PLXNA4: variants seen among roughly 807,000 people sequenced by gnomAD.
PLXNA4 encodes the protein plexin A4.
Under a neutral mutation model 191.8 loss-of-function variants are expected in PLXNA4, and 44 were observed. The observed-to-expected ratio is 0.23, with a 90% CI of 0.18 to 0.29. PLXNA4 has a LOEUF of 0.29. Among genes scored for constraint, PLXNA4 ranks in the 10% least tolerant of loss-of-function variants. PLXNA4 has a pLI of 1.00. For synonymous variants in PLXNA4, 1,082 were observed against 1,009.5 expected (o/e 1.07, Z -1.36); for missense variants, 1,800 against 2,488.8 (o/e 0.72, Z 5.89).
chr7:132,485,423 A>C (rs1227217425), intron 3 of PLXNA4, among the ~76,000 whole-genome samples: 1 of 152,230 alleles, frequency 6.6e-6, no homozygotes, highest in African/African-American at 2.4e-5. Flanking sequence ...AATGTCAGGC[A>C]GTAATTCACC....
At chr7:132,222,362 T>C (rs1008126055) in intron 9 of PLXNA4, among the ~76,000 whole-genome samples, 1 of 152,182 alleles carries the variant, frequency 6.6e-6, no homozygotes, top group African/African-American at 2.4e-5. Context: ...ATAAACAGCT[T>C]CTCTCCTCCC....
intron 3 of PLXNA4, chr7:132,384,222 G>A (rs778977362): frequency 1.7e-4 from 164 of 985,322 alleles, no homozygotes; most frequent in Middle Eastern, 5.2e-4. Flanking sequence ...ACGAGGTTTA[G>A]TGTGGTGGTT....
intron 12 of PLXNA4, among the ~76,000 whole-genome samples, chr7:132,200,265 A>T (rs1012388526): frequency 3.9e-5 from 6 of 152,064 alleles, no homozygotes; most frequent in African/African-American, 1.4e-4. Context: ...AGCAAGTCCC[A>T]CTGATGGCAC....
chr7:132,234,174 T>C (rs1798616879), intron 5 of PLXNA4, among the ~76,000 whole-genome samples: 1 of 152,118 alleles, frequency 6.6e-6, no homozygotes, highest in African/African-American at 2.4e-5. Context: ...CTCTTTCTAA[T>C]CCAGTCGGTA....
chr7:132,615,929 C>G (rs1585407156), intron 2 of PLXNA4, among the ~76,000 whole-genome samples: 1 of 130,224 alleles, frequency 7.7e-6, no homozygotes, highest in African/African-American at 3.4e-5. Flanking sequence ...GATAAAGGAT[C>G]TCTCTCTCTC....
At chr7:132,143,665 T>A (rs1795334733) in intron 29 of PLXNA4, among the ~76,000 whole-genome samples, 1 of 152,128 alleles carries the variant, frequency 6.6e-6, no homozygotes, top group African/African-American at 2.4e-5. Context: ...CTCCCAGTAG[T>A]CACGCCACAA....
intron 1 of PLXNA4, among the ~76,000 whole-genome samples, chr7:132,551,158 G>A (rs986162981): frequency 2.0e-4 from 30 of 152,238 alleles, no homozygotes; most frequent in Admixed American, 1.2e-3. Context: ...CTGGCATGCC[G>A]AACTTGGAGA....
At chr7:132,366,283 T>G (rs558467293) in intron 3 of PLXNA4, among the ~76,000 whole-genome samples, 4 of 152,034 alleles carry the variant, frequency 2.6e-5, no homozygotes, top group African/African-American at 7.2e-5. Context: ...CCCAACGCTT[T>G]GGGAGGCTGA....
intron 3 of PLXNA4, among the ~76,000 whole-genome samples, chr7:132,320,310 G>A (rs114266081): frequency 0.01 from 1,563 of 152,316 alleles, 43 homozygotes; most frequent in African/African-American, 0.036. Context: ...TGCTGGCAGT[G>A]CTTGCTGTTC....
At chr7:132,175,034 C>T (rs1796412403) in intron 20 of PLXNA4, 114 bp from the exon 21 acceptor site, 1 of 1,473,490 alleles carries the variant, frequency 6.8e-7, no homozygotes, top group Non-Finnish European at 9.1e-7. Context: ...AGCAATGGAC[C>T]ACGATGGGCG....
intron 2 of PLXNA4, among the ~76,000 whole-genome samples, chr7:132,634,702 G>T (rs1259580835): frequency 6.6e-6 from 1 of 152,176 alleles, no homozygotes; most frequent in Admixed American, 6.5e-5. Context: ...TTCTCAAGGA[G>T]CCCATCTGAG....
intron 3 of PLXNA4, among the ~76,000 whole-genome samples, chr7:132,386,159 A>G (rs1026750126): frequency 6.6e-6 from 1 of 152,188 alleles, no homozygotes; most frequent in Non-Finnish European, 1.5e-5. Flanking sequence ...CATTGAAACA[A>G]GCACCAGAGG....
chr7:132,291,294 C>T (rs952027730), intron 4 of PLXNA4, among the ~76,000 whole-genome samples: 1 of 152,184 alleles, frequency 6.6e-6, no homozygotes, highest in African/African-American at 2.4e-5. Flanking sequence ...CCCTTGCAAC[C>T]ATCTTTAAAA....
intron 3 of PLXNA4, among the ~76,000 whole-genome samples, chr7:132,358,975 A>G (rs986421968): frequency 6.6e-5 from 10 of 152,158 alleles, no homozygotes; most frequent in African/African-American, 1.9e-4. Flanking sequence ...AGGGCTTAAA[A>G]TCATTTAGAA....
At position 132,508,861 on chromosome 7, in the gene PLXNA4, A is replaced by G. The variant is rs1286869966; in HGVS notation, c.-86-82T>C. 2.3e-6 allele frequency: 3 copies of G among 1,332,552 alleles called. No homozygotes were observed. In the African/African-American group the frequency reaches 4.4e-5, roughly 20 times the overall value. 82.5% of individuals were successfully genotyped at this position (1,332,552 alleles called of 1,614,324 possible). ...CACAGCTTGTCTGCCTGGACTTTCA[A>G]AATGTTCTGCACACACTGAGCAGAA... On this transcript the variant is annotated intron_variant, in intron 1 of 31. Coordinates refer to ENST00000321063, the MANE Select transcript of PLXNA4 (RefSeq NM_020911.2). This position sits in a 1 kb window ranked among gnomAD's most constrained non-coding sequence, Gnocchi z 4.4.
chr7:132,308,774 T>C (rs562149230), intron 3 of PLXNA4, among the ~76,000 whole-genome samples: 1 of 151,688 alleles, frequency 6.6e-6, no homozygotes, highest in Non-Finnish European at 1.5e-5. Context: ...CTTGGCAGAG[T>C]GAGGGGGTTT....
At chr7:132,247,705 A>G (rs1370636668) in intron 4 of PLXNA4, among the ~76,000 whole-genome samples, 1 of 152,152 alleles carries the variant, frequency 6.6e-6, no homozygotes, top group East Asian at 1.9e-4. Flanking sequence ...TCTGCTGGCC[A>G]GGGACCACAT....
intron 4 of PLXNA4, among the ~76,000 whole-genome samples, chr7:132,283,983 A>G (rs1357143885): frequency 1.3e-5 from 2 of 152,224 alleles, no homozygotes; most frequent in Admixed American, 1.3e-4. Context: ...CCCAGCGTGT[A>G]CAACACAGCA....
At chr7:132,235,455 T>C (rs1247804950) in intron 5 of PLXNA4, among the ~76,000 whole-genome samples, 1 of 152,156 alleles carries the variant, frequency 6.6e-6, no homozygotes, top group Non-Finnish European at 1.5e-5. Flanking sequence ...GAAGAAACCA[T>C]ATAGAAAAGA....
Sources: gnomAD v4.1 joint callset for allele counts (sites outside exome capture counted in the v4.1 genomes callset) on GRCh38, gnomAD v4.1.1 for gene constraint, Gnocchi (gnomAD v3.1) non-coding constraint, MANE v1.5 for transcripts, NCBI Gene and HGNC (gene_info 2026-07-23, HGNC 2026-07-21) for gene names.